Variants in OMA1 observed in about 807,000 individuals in gnomAD.
OMA1 encodes metalloendopeptidase OMA1, mitochondrial.
A neutral mutation model predicts 30.9 loss-of-function variants in OMA1; 38 were observed. That is an observed-to-expected ratio of 1.23 (90% CI 0.95 to 1.61). The LOEUF is 1.61. Ranked by LOEUF, OMA1 falls within the 40% of genes most tolerant of loss-of-function variation. The probability of loss-of-function intolerance (pLI) is 0.00; values close to 1 mark genes in which losing one functional copy is unlikely to be tolerated. For missense variants in OMA1, 461 were observed against 349.2 expected, an observed-to-expected ratio of 1.32 and a Z score of -2.55; for synonymous variants, 173 against 121.9, an observed-to-expected ratio of 1.42 and a Z score of -2.76.
intron 1 of OMA1, chr1:58,541,343 C>T (rs1239821110): frequency 1.1e-5 from 1 of 88,450 alleles, no homozygotes; most frequent in Non-Finnish European, 2.3e-5. Flanking sequence ...ACAGGAAAAA[C>T]ACAAGAAAGT....
intron 7 of OMA1, among the ~76,000 whole-genome samples, chr1:58,526,601 CAAA>C (rs10574530): frequency 7.3e-4 from 89 of 121,362 alleles, no homozygotes; most frequent in Middle Eastern, 4.3e-3. Context: ...CTATGGCTAG[CAAA>C]AAAAAAAAAA....
chr1:58,523,877 T>C (rs936482556), intron 7 of OMA1, among the ~76,000 whole-genome samples: 6 of 152,034 alleles, frequency 3.9e-5, no homozygotes, highest in Non-Finnish European at 7.4e-5. Flanking sequence ...CCAGCCTGGG[T>C]GACAGAGCGA....
At chr1:58,495,326 G>A (rs903206503) in intron 8 of OMA1, among the ~76,000 whole-genome samples, 10 of 152,008 alleles carry the variant, frequency 6.6e-5, no homozygotes, top group African/African-American at 2.4e-5. Flanking sequence ...GTTAAATGAC[G>A]AGTTAATGGG....
intron 7 of OMA1, among the ~76,000 whole-genome samples, chr1:58,506,869 T>C (rs1234812815): frequency 1.3e-5 from 2 of 152,084 alleles, no homozygotes; most frequent in African/African-American, 4.8e-5. Flanking sequence ...TAAAACACAA[T>C]ACCTTATAAA....
chr1:58,522,227 T>C (rs988573925), intron 7 of OMA1, among the ~76,000 whole-genome samples: 3 of 152,126 alleles, frequency 2.0e-5, no homozygotes, highest in Non-Finnish European at 4.4e-5. Context: ...GCTTAATACC[T>C]AGGTGATGAG....
At chr1:58,538,453 C>A (rs902323999) in intron 2 of OMA1, among the ~76,000 whole-genome samples, 1 of 152,132 alleles carries the variant, frequency 6.6e-6, no homozygotes, top group African/African-American at 2.4e-5. Context: ...ACCAGCACTT[C>A]TGATCCATAT....
In OMA1 at chr1:58,533,943, A is replaced by T. The variant is rs879497638; in HGVS notation, c.1011+10T>A. The T allele has an allele frequency of 3.4e-6, 3 of 870,124 alleles. No individual in the cohort carries two copies. Among genetic ancestry groups the T allele is most frequent in the Non-Finnish European group, 6.0e-6 (3 of 499,602 alleles). The allele number at this position is 870,124 out of a possible 1,614,324, so 53.9% of individuals were successfully genotyped here. On this transcript the variant is annotated intron_variant, in intron 5 of 8. Transcript: ENST00000371226. ...TTTTCCAAACCTGAACATTCATTTT[A>T]GGTACTTACAGCATGCCCAAGTACT... is the stretch of plus-strand genomic sequence containing the variant.
chr1:58,529,226 C>T (rs1243303479), intron 6 of OMA1, among the ~76,000 whole-genome samples: 1 of 152,126 alleles, frequency 6.6e-6, no homozygotes, highest in African/African-American at 2.4e-5. Flanking sequence ...CAATTTGTCT[C>T]ATAGAATTTT....
chr1:58,541,793 T>C lies in OMA1; in HGVS notation c.-16-2483A>G, dbSNP rs545850185. Among the ~76,000 whole-genome samples the C allele has an allele frequency of 1.1e-4, 16 of 152,264 alleles. No homozygotes were observed. In the South Asian group the frequency reaches 3.3e-3, roughly 32 times the overall value. On this transcript the variant is annotated intron_variant, in intron 1 of 8. Coordinates refer to ENST00000371226, the MANE Select transcript of OMA1 (RefSeq NM_145243.5). The stretch of plus-strand genomic sequence containing the variant: ...AGATACTTGCTGAAGGATCTGTTCA[T>C]GATAAATAAAACTCACTTTCAAATT...
At chr1:58,506,821 C>T (rs1034164338) in intron 7 of OMA1, among the ~76,000 whole-genome samples, 2 of 152,102 alleles carry the variant, frequency 1.3e-5, no homozygotes, top group African/African-American at 4.8e-5. Context: ...CCAATTTTCT[C>T]AATGTATATG....
intron 8 of OMA1, among the ~76,000 whole-genome samples, chr1:58,488,530 C>T (rs1457939530): frequency 2.6e-5 from 4 of 152,194 alleles, no homozygotes; most frequent in African/African-American, 9.7e-5. Flanking sequence ...CAGATCACTG[C>T]AACCTCTGCC....
intron 8 of OMA1, among the ~76,000 whole-genome samples, chr1:58,493,683 T>A (rs79036731): frequency 0.17 from 25,877 of 150,074 alleles, 2,288 homozygotes; most frequent in African/African-American, 0.22. Flanking sequence ...TCAAAGAGAA[T>A]AAAATAGCTA....
intron 3 of OMA1, among the ~76,000 whole-genome samples, chr1:58,534,584 G>A (rs560206779): frequency 2.6e-5 from 4 of 152,154 alleles, no homozygotes; most frequent in South Asian, 2.1e-4. Flanking sequence ...CATTCTTTTC[G>A]ATTAAACTAC....
At chr1:58,531,074 G>C (rs1646427676) in intron 5 of OMA1, among the ~76,000 whole-genome samples, 1 of 152,180 alleles carries the variant, frequency 6.6e-6, no homozygotes, top group South Asian at 2.1e-4. Flanking sequence ...GAGAGGTTAA[G>C]AGTTGCCCAG....
intron 7 of OMA1, among the ~76,000 whole-genome samples, chr1:58,525,270 T>C (rs1646331700): frequency 1.3e-5 from 2 of 152,132 alleles, no homozygotes; most frequent in Non-Finnish European, 1.5e-5. Context: ...TTTCAAATTG[T>C]TGCACATTTC....
intron 1 of OMA1, among the ~76,000 whole-genome samples, chr1:58,544,632 T>G (rs1191794754): frequency 6.6e-6 from 1 of 152,218 alleles, no homozygotes; most frequent in Non-Finnish European, 1.5e-5. Flanking sequence ...CACTTTGTCG[T>G]TGTCCAGGCT....
chr1:58,512,037 A>C (rs1203745793), intron 7 of OMA1, among the ~76,000 whole-genome samples: 1 of 152,196 alleles, frequency 6.6e-6, no homozygotes, highest in African/African-American at 2.4e-5. Flanking sequence ...AAAATATATA[A>C]AGAATTTCTA....
intron 7 of OMA1, 31 bp from the exon 8 acceptor site, chr1:58,506,240 G>T: frequency 1.2e-6 from 1 of 851,492 alleles, no homozygotes; most frequent in South Asian, 1.4e-5. Flanking sequence ...ACCACACAAT[G>T]AGCTCAGTTT....
Position 58,533,706 on chromosome 1 carries a change from T to C in OMA1, c.1011+247A>G, listed in dbSNP as rs142452841. On this transcript the variant is annotated intron_variant, in intron 5 of 8. Coordinates refer to ENST00000371226, the MANE Select transcript of OMA1 (RefSeq NM_145243.5). ...TTAGGGGTTGAGAATAATTACGTTT[T>C]AGCAAAAGAGACAGGTGATAAAAAT... Among the ~76,000 whole-genome samples the C allele has an allele frequency of 3.8e-3, 579 of 152,274 alleles. 2 individuals carry two copies. Among genetic ancestry groups the C allele is most frequent in the African/African-American group, 0.013 (561 of 41,572 alleles).
Sources: gnomAD v4.1 joint callset for allele counts (sites outside exome capture counted in the v4.1 genomes callset) on GRCh38, gnomAD v4.1.1 for gene constraint, MANE v1.5 for transcripts, NCBI Gene and HGNC (gene_info 2026-07-23, HGNC 2026-07-21) for gene names.